The following COPS7B variants were observed in gnomAD, a reference collection of about 807,000 sequenced individuals.
The protein encoded by COPS7B is COP9 signalosome complex subunit 7b.
A neutral mutation model predicts 33.4 loss-of-function variants in COPS7B; 9 were observed. The observed-to-expected ratio is 0.27, with a 90% CI of 0.16 to 0.47. The LOEUF (loss-of-function observed/expected upper bound fraction) is 0.47. COPS7B is among the 20% of genes least tolerant of loss of function. The probability of loss-of-function intolerance (pLI) is 0.99; values close to 1 mark genes in which losing one functional copy is unlikely to be tolerated. For missense variants in COPS7B, 242 were observed against 318.2 expected, an observed-to-expected ratio of 0.76 and a Z score of 1.82; for synonymous variants, 119 against 126.3, an observed-to-expected ratio of 0.94 and a Z score of 0.39.
At chr2:231,802,288 C>CTGGT (rs2049772988) in intron 6 of COPS7B, among the ~76,000 whole-genome samples, 1 of 152,170 alleles carries the variant, frequency 6.6e-6, no homozygotes, top group African/African-American at 2.4e-5. Flanking sequence ...AGTATGCTTC[C>CTGGT]TGGTACCTCT....
intron 1 of COPS7B, among the ~76,000 whole-genome samples, chr2:231,788,337 T>C (rs1206700200): frequency 1.3e-5 from 2 of 152,130 alleles, no homozygotes; most frequent in African/African-American, 4.8e-5. Flanking sequence ...GGTTTTGCCA[T>C]GTTGCCCATA....
intron 2 of COPS7B, 187 bp from the exon 3 acceptor site, chr2:231,791,546 C>A: frequency 1.7e-6 from 1 of 571,554 alleles, no homozygotes; most frequent in Non-Finnish European, 3.1e-6. Context: ...AAATTTGGGG[C>A]TTTAATAATC....
At chr2:231,786,380 T>G, upstream of COPS7B, 1 of 927,844 alleles carries the variant, frequency 1.1e-6, no homozygotes, top group Admixed American at 6.2e-5. Flanking sequence ...GGAACGCGAG[T>G]GCAGCGGTGG....
At chr2:231,799,173 C>T (rs147681078) in intron 6 of COPS7B, among the ~76,000 whole-genome samples, 2,024 of 152,272 alleles carry the variant, frequency 0.013, 31 homozygotes, top group Non-Finnish European at 0.018. Flanking sequence ...TCCTGGTCAG[C>T]ATAGGGTGAT....
intron 6 of COPS7B, among the ~76,000 whole-genome samples, chr2:231,804,409 G>A (rs1464913096): frequency 1.3e-5 from 2 of 151,920 alleles, no homozygotes; most frequent in Non-Finnish European, 2.9e-5. Flanking sequence ...CACGTCACCC[G>A]GCTAACTTTT....
upstream of COPS7B, chr2:231,781,886 A>G (rs1282654255): frequency 1.3e-6 from 2 of 1,550,370 alleles, no homozygotes; most frequent in African/African-American, 2.7e-5. Flanking sequence ...AAATCATGGT[A>G]AGGCTGCAAA....
chr2:231,799,047 A>C (rs2049665344), intron 6 of COPS7B, 83 bp downstream of exon 6: 1 of 1,270,988 alleles, frequency 7.9e-7, no homozygotes, highest in Non-Finnish European at 1.1e-6. Context: ...TGTTTTGCGA[A>C]TCTTGGTGTA....
At chr2:231,806,704 C>T (rs2049904665) in intron 6 of COPS7B, among the ~76,000 whole-genome samples, 1 of 152,204 alleles carries the variant, frequency 6.6e-6, no homozygotes, top group Non-Finnish European at 1.5e-5. Flanking sequence ...GGCAATATAG[C>T]AGTACTGATT....
At chr2:231,798,443 G>C (rs2106332536) in intron 5 of COPS7B, among the ~76,000 whole-genome samples, 1 of 151,938 alleles carries the variant, frequency 6.6e-6, no homozygotes, top group East Asian at 1.9e-4. Context: ...TTTTAGTAGA[G>C]ATGGGGTTTC....
intron 6 of COPS7B, among the ~76,000 whole-genome samples, chr2:231,802,640 A>G (rs1040584985): frequency 5.9e-5 from 9 of 152,220 alleles, no homozygotes; most frequent in African/African-American, 2.2e-4. Context: ...TTGAAGGGTG[A>G]CTGTGGAAGA....
chr2:231,786,294 T>C, upstream of COPS7B: 1 of 300,928 alleles, frequency 3.3e-6, no homozygotes. Flanking sequence ...CTGCAGACTC[T>C]TCCCCGCCCC....
intron 1 of COPS7B, 66 bp from the exon 2 acceptor site, chr2:231,788,489 C>A: frequency 6.9e-7 from 1 of 1,443,238 alleles, no homozygotes; most frequent in Non-Finnish European, 9.6e-7. Flanking sequence ...TTTGATTCAG[C>A]ACTGAATAGG....
intron 4 of COPS7B, among the ~76,000 whole-genome samples, chr2:231,794,740 C>T (rs11690557): frequency 0.013 from 2,035 of 152,188 alleles, 32 homozygotes; most frequent in Non-Finnish European, 0.018. Context: ...CTTGCTATGT[C>T]GGACTTGCTA....
intron 6 of COPS7B, among the ~76,000 whole-genome samples, chr2:231,803,491 C>T (rs1341641674): frequency 1.3e-5 from 2 of 152,086 alleles, no homozygotes; most frequent in East Asian, 3.8e-4. Context: ...TATTGCATGT[C>T]AGGGTTACTG....
intron 1 of COPS7B, among the ~76,000 whole-genome samples, 180 bp from the exon 2 acceptor site, chr2:231,788,375 A>T (rs1008578306): frequency 6.6e-6 from 1 of 152,076 alleles, no homozygotes; most frequent in Non-Finnish European, 1.5e-5. Flanking sequence ...ACCTCAGGTG[A>T]TCCACCCGCC....
chr2:231,795,322 C>G (rs2049536823), intron 4 of COPS7B, among the ~76,000 whole-genome samples: 1 of 152,190 alleles, frequency 6.6e-6, no homozygotes. Flanking sequence ...CTCAGCCTCC[C>G]AAAGTGTTGG....
upstream of COPS7B, among the ~76,000 whole-genome samples, chr2:231,784,356 C>CCT (rs1203836141): frequency 6.6e-6 from 1 of 151,842 alleles, no homozygotes; most frequent in Non-Finnish European, 1.5e-5. Context: ...GTGGCACGCA[C>CCT]CTCTAGTCCT....
chr2:231,786,305 C>G (rs1033028032), upstream of COPS7B: 8 of 365,840 alleles, frequency 2.2e-5, no homozygotes, highest in Non-Finnish European at 3.0e-5. Context: ...TCCCCGCCCC[C>G]TCGCTCCCAC....
chr2:231,791,607 A>C (rs1371709329), intron 2 of COPS7B, 126 bp from the exon 3 acceptor site: 4 of 727,978 alleles, frequency 5.5e-6, no homozygotes, highest in Middle Eastern at 3.8e-4. Context: ...CCAGGGGCCA[A>C]GTAATCAAAT....
Sources: allele counts gnomAD v4.1 joint callset (sites outside exome capture counted in the v4.1 genomes callset), GRCh38; gene constraint gnomAD v4.1.1; transcripts MANE v1.5; gene names NCBI Gene and HGNC (gene_info 2026-07-23, HGNC 2026-07-21).